Variants in APC observed in about 807,000 individuals in gnomAD.
The protein encoded by APC is adenomatous polyposis coli protein.
APC carries 72 observed loss-of-function variants against 247.0 expected under a neutral mutation model. That is an observed-to-expected ratio of 0.29 (90% CI 0.24 to 0.35). The LOEUF (loss-of-function observed/expected upper bound fraction) is 0.35. Among genes scored for constraint, APC ranks in the 10% least tolerant of loss-of-function variants. The pLI is 1.00. For synonymous variants in APC, 1,254 were observed against 1,162.5 expected (o/e 1.08, Z -1.60); for missense variants, 3,400 against 3,360.7 (o/e 1.01, Z -0.29).
chr5:112,778,299 C>T (rs1023426931), intron 5 of APC: 2 of 152,332 alleles, frequency 1.3e-5, no homozygotes, highest in African/African-American at 4.8e-5. Flanking sequence ...GCCTCTCCCT[C>T]TCCATGTCAA....
intron 8 of APC, among the ~76,000 whole-genome samples, chr5:112,808,267 C>T (rs1046480945): frequency 5.3e-5 from 8 of 152,168 alleles, no homozygotes; most frequent in African/African-American, 1.9e-4. Flanking sequence ...TTCAAACTTG[C>T]AGTTGTTTCA....
intron 6 of APC, among the ~76,000 whole-genome samples, chr5:112,782,316 G>A (rs1465280529): frequency 6.6e-6 from 1 of 152,058 alleles, no homozygotes; most frequent in African/African-American, 2.4e-5. Flanking sequence ...TCTCCCACTG[G>A]GTCCCTCCCA....
intron 1 of APC, among the ~76,000 whole-genome samples, chr5:112,708,165 G>A (rs1157738437): frequency 6.6e-6 from 1 of 152,184 alleles, no homozygotes; most frequent in Admixed American, 6.5e-5. Context: ...CCCCATTCGC[G>A]TTAGGTGGGT....
chr5:112,784,688 G>C (rs1231092681), intron 6 of APC, among the ~76,000 whole-genome samples: 1 of 152,176 alleles, frequency 6.6e-6, no homozygotes, highest in African/African-American at 2.4e-5. Context: ...TGGAAGAGGA[G>C]ATCTCAGGAG....
chr5:112,765,949 C>T (rs1301823013), intron 2 of APC, among the ~76,000 whole-genome samples: 4 of 152,060 alleles, frequency 2.6e-5, no homozygotes, highest in South Asian at 2.1e-4. Flanking sequence ...TGTTGGTGCA[C>T]GCTTAAGAGA....
intron 8 of APC, among the ~76,000 whole-genome samples, chr5:112,807,806 C>G (rs964732322): frequency 2.0e-5 from 3 of 152,162 alleles, no homozygotes; most frequent in Non-Finnish European, 4.4e-5. Context: ...CAGGCATCAT[C>G]ATCACTTCTT....
rs942568537 is a variant in APC at position 112,822,084 on chromosome 5, T to C, written c.1408+93T>C. 1.0e-5 allele frequency: 9 copies of C among 900,936 alleles called. No individual in the cohort carries two copies. The African/African-American group carries it at 1.5e-4, about 15-fold the overall frequency. 55.8% of individuals were successfully genotyped at this position (900,936 alleles called of 1,614,324 possible). A position where few individuals can be genotyped will look rare whatever the true frequency, so the allele number is the denominator to read the frequency against. ...CAGTATAGTAAATAAAGATTTTTAA[T>C]CATTGATGAATTAGGATATAAGGCC... is the stretch of plus-strand genomic sequence containing the variant. On this transcript the variant is annotated intron_variant, in intron 11 of 15. Coordinates refer to ENST00000257430, the MANE Select transcript of APC (RefSeq NM_000038.6).
At position 112,843,891 on chromosome 5, in the gene APC, G is replaced by A. The variant is rs1580692235; in HGVS notation, c.8297G>A (p.Ser2766Asn). 4 of 1,613,960 alleles carry A rather than the reference G, an allele frequency of 2.5e-6. No homozygotes were observed. The highest frequency in any genetic ancestry group is 3.4e-6 in the Non-Finnish European group (4 of 1,179,878). ...GAACGTACCCCATTCAGTTCTAGCAGCTCAAGCAAACACAGTTCACCTAGT... is the reference window on the plus strand; with the variant it reads ...GAACGTACCCCATTCAGTTCTAGCAACTCAAGCAAACACAGTTCACCTAGT... ...IVERTPFSSS[S>N]SSKHSSPSGT... The change falls in exon 16 of 16, where the codon AGC (serine) becomes AAC (asparagine). Residue 2766 changes from serine to asparagine, a missense_variant. This residue lies in a region of APC where 1,788 missense variants were observed against 1,649.5 expected (regional missense o/e 1.08). Transcript: ENST00000257430. This position sits in a 1 kb window ranked among gnomAD's most constrained non-coding sequence, Gnocchi z 4.8.
intron 1 of APC, among the ~76,000 whole-genome samples, chr5:112,722,142 G>C (rs1271966295): frequency 6.6e-6 from 1 of 152,184 alleles, no homozygotes; most frequent in Non-Finnish European, 1.5e-5. Flanking sequence ...TTATTGAAGA[G>C]TTTGAAGTTA....
chr5:112,755,843 C>T (rs1311512310), intron 2 of APC, among the ~76,000 whole-genome samples: 1 of 152,026 alleles, frequency 6.6e-6, no homozygotes, highest in Non-Finnish European at 1.5e-5. Flanking sequence ...GGTGTGATGG[C>T]TCAGGCCTGT....
At position 112,840,722 on chromosome 5, in the gene APC, A is replaced by G. The variant is rs1554086465; in HGVS notation, c.5128A>G (p.Ile1710Val). 1.9e-6 allele frequency: 3 copies of G among 1,614,174 alleles called. No homozygotes were observed. The highest frequency in any genetic ancestry group is 2.5e-6 in the Non-Finnish European group (3 of 1,180,020). ...AGGAGGAAAAACCTCATCTGTAACC[A>G]TACCTGAATTGGATGACAATAAAGC... ...AQGGKTSSVT[I>V]PELDDNKAEE... Residue 1710 changes from isoleucine (I) to valine (V), a missense_variant, in exon 16 of 16, where the codon ATA becomes GTA. By Grantham distance (29) the Ile-to-Val change is conservative (BLOSUM62 3). Transcript: ENST00000257430. This position sits in a 1 kb window ranked among gnomAD's most constrained non-coding sequence, Gnocchi z 4.1.
In APC at chr5:112,707,788, C is replaced by G. The variant is rs770241997; in HGVS notation, c.71C>G (p.Ser24Cys). Residue 24 changes from serine to cysteine, a missense_variant, in exon 1 of 14, where the codon TCC (serine) becomes TGC (cysteine). By Grantham distance (112) the Ser-to-Cys change is moderately radical. Transcript: ENST00000507379. ...TCTGTACCACCCTCAGTTCTCGGGTCCTGGAGCACCGGCGGCAGCAGGAGC... is the reference window on the plus strand; with the variant it reads ...TCTGTACCACCCTCAGTTCTCGGGTGCTGGAGCACCGGCGGCAGCAGGAGC... 1 of 1,370,662 alleles carries G rather than the reference C, an allele frequency of 7.3e-7. No homozygotes were observed. The highest frequency in any genetic ancestry group is 9.6e-7 in the Non-Finnish European group (1 of 1,038,790). The allele number at this position is 1,370,662 out of a possible 1,614,324, so 84.9% of individuals were successfully genotyped here.
intron 1 of APC, among the ~76,000 whole-genome samples, 175 bp downstream of exon 1, chr5:112,738,100 T>A (rs1752540976): frequency 6.6e-6 from 1 of 152,016 alleles, no homozygotes; most frequent in African/African-American, 2.4e-5. Context: ...TGGAGATGGA[T>A]TTCCTGTACT....
chr5:112,759,546 T>TG (rs1210467260), intron 2 of APC, among the ~76,000 whole-genome samples: 1 of 151,762 alleles, frequency 6.6e-6, no homozygotes, highest in African/African-American at 2.4e-5. Context: ...TTAGTAGAGA[T>TG]GGGGTTTCGC....
chr5:112,820,096 G>A (rs501250), intron 10 of APC, among the ~76,000 whole-genome samples: 1 of 151,624 alleles, frequency 6.6e-6, no homozygotes, highest in Non-Finnish European at 1.5e-5. Flanking sequence ...AGGACCTATG[G>A]GGATATAACT....
At chr5:112,729,201 G>A (rs558587840) in intron 1 of APC, among the ~76,000 whole-genome samples, 6 of 152,302 alleles carry the variant, frequency 3.9e-5, no homozygotes, top group East Asian at 3.9e-4. Flanking sequence ...TAGATGCGAG[G>A]GAAAGAGCAG....
chr5:112,842,208 C>A lies in APC; in HGVS notation c.6614C>A (p.Ser2205Tyr), dbSNP rs876659684. ...AGTTTGATTACTGGAAAAGTTCGAT[C>A]TAATTCAGAAATTTCAGGCCAAATG... The part of the protein sequence containing the change: ...YKSLITGKVR[S>Y]NSEISGQMKQ... Residue 2205 changes from serine to tyrosine, a missense_variant, in exon 16 of 16, where the codon TCT (serine) becomes TAT (tyrosine). Ser to Tyr is a moderately radical substitution (Grantham distance 144). Coordinates refer to ENST00000257430, the MANE Select transcript of APC (RefSeq NM_000038.6). The A allele has an allele frequency of 6.2e-7, 1 of 1,613,548 alleles. No individual in the cohort carries two copies. Among genetic ancestry groups the A allele is most frequent in the Non-Finnish European group, 8.5e-7 (1 of 1,179,438 alleles).
In APC at chr5:112,783,050, G is replaced by T. The variant is rs559999845; in HGVS notation, c.645+2147G>T. Among the ~76,000 whole-genome samples, 5 of 152,246 alleles carry T rather than the reference G, an allele frequency of 3.3e-5. No individual in the cohort carries two copies. In the East Asian group the frequency reaches 9.6e-4, roughly 29 times the overall value. ...GCATTTTTAGAACATGAATATATGG[G>T]ATACTGTAGACATAAGTTAGTTTTT... On this transcript the variant is annotated intron_variant, in intron 6 of 15. Coordinates refer to ENST00000257430, the MANE Select transcript of APC (RefSeq NM_000038.6).
chr5:112,821,241 C>A (rs1021513740), intron 10 of APC, among the ~76,000 whole-genome samples: 1 of 151,940 alleles, frequency 6.6e-6, no homozygotes, highest in Non-Finnish European at 1.5e-5. Flanking sequence ...CACGGTGGCT[C>A]GTGCCTATAA....
Sources: allele counts gnomAD v4.1 joint callset (sites outside exome capture counted in the v4.1 genomes callset), GRCh38; gene constraint gnomAD v4.1.1; regional missense constraint gnomAD v4.1.1; non-coding constraint Gnocchi (gnomAD v3.1); transcripts MANE v1.5; gene names NCBI Gene and HGNC (gene_info 2026-07-23, HGNC 2026-07-21).